Variants in ITPR1 observed in about 807,000 individuals in gnomAD.
ITPR1 encodes the protein inositol 1,4,5-trisphosphate receptor type 1, also known as inositol 1,4,5-trisphosphate-gated calcium channel ITPR1.
ITPR1 carries 96 observed loss-of-function variants against 318.4 expected under a neutral mutation model. The observed-to-expected ratio is 0.30, with a 90% confidence interval of 0.26 to 0.36. The LOEUF is 0.36. ITPR1 is among the 10% of genes least tolerant of loss of function. ITPR1 has a pLI of 1.00. For synonymous variants in ITPR1, 1,312 were observed against 1,289.9 expected (o/e 1.02, Z -0.37); for missense variants, 2,440 against 3,460.2 (o/e 0.71, Z 7.40).
At chr3:4,806,323 T>A in intron 55 of ITPR1, 56 bp downstream of exon 55, 1 of 1,494,792 alleles carries the variant, frequency 6.7e-7, no homozygotes, top group Non-Finnish European at 9.3e-7. Flanking sequence ...GAGTGTCCTA[T>A]GTCCTCTCTC....
chr3:4,531,501 C>T (rs1026640722), intron 4 of ITPR1, among the ~76,000 whole-genome samples: 3 of 152,148 alleles, frequency 2.0e-5, no homozygotes, highest in African/African-American at 7.2e-5. Context: ...CATTCAGCTG[C>T]TTGGAACCTC....
chr3:4,700,371 C>G (rs965240460), intron 35 of ITPR1, among the ~76,000 whole-genome samples: 5 of 152,220 alleles, frequency 3.3e-5, no homozygotes, highest in African/African-American at 1.2e-4. Context: ...ATATACTACT[C>G]TATCCCTTGT....
Position 4,717,443 on chromosome 3 carries a change from G to A in ITPR1, c.5136+44G>A, listed in dbSNP as rs1442469554. ...TTTGTTTTTCATGTCTCATGGTGGT[G>A]TTTCCGTGACACCTTCCCAGTTAGC... On this transcript the variant is annotated intron_variant, in intron 40 of 61. Coordinates refer to ENST00000649015, the MANE Select transcript of ITPR1 (RefSeq NM_001378452.1). 2.0e-6 allele frequency: 3 copies of A among 1,480,798 alleles called. No homozygotes were observed. The African/African-American group carries it at 4.1e-5, about 20-fold the overall frequency. 91.7% of individuals were successfully genotyped at this position (1,480,798 alleles called of 1,614,324 possible). A position where few individuals can be genotyped will look rare whatever the true frequency, so the allele number is the denominator to read the frequency against.
chr3:4,503,396 T>C (rs2081172085), intron 2 of ITPR1, among the ~76,000 whole-genome samples: 1 of 152,202 alleles, frequency 6.6e-6, no homozygotes, highest in Admixed American at 6.5e-5. Context: ...TTTCCTCTTC[T>C]GTAGAATAGG....
chr3:4,683,447 C>G lies in ITPR1; in HGVS notation c.3223C>G (p.Leu1075Val). The G allele has an allele frequency of 6.2e-7, 1 of 1,614,070 alleles. No individual in the cohort carries two copies. The highest frequency in any genetic ancestry group is 1.6e-4 in the Middle Eastern group (1 of 6,062). Reference protein sequence around the residue: ...HGGRTFLRVLLHLTMHDYPPL... With the variant: ...HGGRTFLRVLVHLTMHDYPPL... ...CGGCAGAACCTTTCTCCGTGTCCTG[C>G]TCCACTTGACGATGCATGACTACCC... is the stretch of plus-strand genomic sequence containing the variant. Residue 1075 changes from leucine (L) to valine (V), a missense_variant, in exon 27 of 62, where the codon CTC (leucine) becomes GTC (valine). Physicochemically the swap from Leu to Val is conservative, Grantham distance 32 (BLOSUM62 1). Transcript: ENST00000649015.
At chr3:4,831,131 T>TCTCTCACA (rs879032970) in intron 60 of ITPR1, 1 of 332,532 alleles carries the variant, frequency 3.0e-6, no homozygotes, top group African/African-American at 2.6e-5. Flanking sequence ...TCTCTCTCTC[T>TCTCTCACA]CACACACACA....
rs955806043 is a variant in ITPR1, at chr3:4,711,624, G to A, written c.4992-133G>A. On this transcript the variant is annotated intron_variant, in intron 38 of 61. Transcript: ENST00000649015. ...CTGTTCTCAGTGCAGGGAATGCCCT[G>A]AAGTATCTTTAACCTGAGAGCTCTT... 9.4e-6 allele frequency: 6 copies of A among 634,936 alleles called. No homozygotes were observed. In the East Asian group the frequency reaches 1.6e-4, roughly 17 times the overall value. The allele number at this position is 634,936 out of a possible 1,614,324, so 39.3% of individuals were successfully genotyped here.
At chr3:4,814,815 T>C in intron 58 of ITPR1, 1 of 599,590 alleles carries the variant, frequency 1.7e-6, no homozygotes, top group Non-Finnish European at 2.9e-6. Context: ...CCATCAGGGT[T>C]AGGCCTGATC....
chr3:4,743,926 A>G (rs918606422), intron 44 of ITPR1, among the ~76,000 whole-genome samples: 2 of 152,102 alleles, frequency 1.3e-5, no homozygotes, highest in East Asian at 1.9e-4. Context: ...CCTCCGCCTC[A>G]TGGGTTCAAG....
chr3:4,699,935 T>G lies in ITPR1; in HGVS notation c.4530T>G (p.Thr1510=), dbSNP rs1240117314. The G allele has an allele frequency of 5.0e-6, 8 of 1,612,470 alleles. No homozygotes were observed. The highest frequency in any genetic ancestry group is 5.9e-6 in the Non-Finnish European group (7 of 1,178,796). Reference sequence around the variant, plus strand: ...CTCCCTTCTCAGACCAGAGTACGACTTTGCAGGTAAGAAATAACCAACGTC... The same window carrying G: ...CTCCCTTCTCAGACCAGAGTACGACGTTGCAGGTAAGAAATAACCAACGTC... ...FSSPFSDQST[T]LQTRQPVFVQ... Residue 1510 remains threonine, a synonymous_variant, in exon 35 of 62, where the codon ACT becomes ACG. Transcript: ENST00000649015.
At chr3:4,620,472 C>T (rs566244067) in intron 4 of ITPR1, among the ~76,000 whole-genome samples, 2 of 152,222 alleles carry the variant, frequency 1.3e-5, no homozygotes, top group South Asian at 2.1e-4. Flanking sequence ...GCCTGGAGCC[C>T]CCAGTTACTA....
intron 4 of ITPR1, among the ~76,000 whole-genome samples, chr3:4,554,811 A>G (rs1301475127): frequency 2.0e-5 from 3 of 152,064 alleles, no homozygotes; most frequent in Non-Finnish European, 4.4e-5. Flanking sequence ...GGGTGGATTA[A>G]TTGGGTTACA....
chr3:4,680,694 T>G lies in ITPR1; in HGVS notation c.3106+3T>G, dbSNP rs2094280284. On this transcript the variant is annotated splice_donor_region_variant and intron_variant, in intron 25 of 61. Coordinates refer to ENST00000649015, the MANE Select transcript of ITPR1 (RefSeq NM_001378452.1). Reference sequence around the variant, plus strand: ...AGAAGGGCCAAGTAATGTACCAGGTTAGTGATTCAGAATGGAATTTCAGCC... The same window carrying G: ...AGAAGGGCCAAGTAATGTACCAGGTGAGTGATTCAGAATGGAATTTCAGCC... 1.2e-6 allele frequency: 2 copies of G among 1,606,606 alleles called. No individual in the cohort carries two copies. Among genetic ancestry groups the G allele is most frequent in the East Asian group, 4.5e-5 (2 of 44,756 alleles).
chr3:4,544,288 T>A (rs2084752190), intron 4 of ITPR1, among the ~76,000 whole-genome samples: 1 of 152,220 alleles, frequency 6.6e-6, no homozygotes. Flanking sequence ...ATCCAAGTGA[T>A]TCTCCTTCCA....
At chr3:4,524,963 A>G (rs1258878783) in intron 4 of ITPR1, among the ~76,000 whole-genome samples, 1 of 152,156 alleles carries the variant, frequency 6.6e-6, no homozygotes, top group Non-Finnish European at 1.5e-5. Flanking sequence ...GTACGGGGGG[A>G]GTCTGACCCT....
At chr3:4,620,489 T>C (rs1056385628) in intron 4 of ITPR1, among the ~76,000 whole-genome samples, 1 of 152,112 alleles carries the variant, frequency 6.6e-6, no homozygotes, top group Admixed American at 6.6e-5. Context: ...ACTAAGCCTT[T>C]CCAGGGTTCT....
intron 4 of ITPR1, among the ~76,000 whole-genome samples, chr3:4,549,292 T>G (rs551641290): frequency 4.5e-4 from 68 of 152,302 alleles, no homozygotes; most frequent in Non-Finnish European, 8.7e-4. Context: ...AAAATTGACA[T>G]TGCACATAAT....
At chr3:4,666,962 C>A (rs373296972) in intron 17 of ITPR1, among the ~76,000 whole-genome samples, 1 of 152,138 alleles carries the variant, frequency 6.6e-6, no homozygotes, top group East Asian at 1.9e-4. Flanking sequence ...TAACATTGTT[C>A]CAGATCTCCA....
intron 40 of ITPR1, 80 bp downstream of exon 40, chr3:4,717,479 T>C: frequency 8.9e-7 from 1 of 1,128,978 alleles, no homozygotes; most frequent in Non-Finnish European, 1.3e-6. Flanking sequence ...CCTGTGATCC[T>C]TCCTCTAGTC....
Sources: allele counts gnomAD v4.1 joint callset (sites outside exome capture counted in the v4.1 genomes callset), GRCh38; gene constraint gnomAD v4.1.1; transcripts MANE v1.5; gene names NCBI Gene and HGNC (gene_info 2026-07-23, HGNC 2026-07-21).